The following DSE variants were observed in gnomAD, a reference collection of about 807,000 sequenced individuals.
The protein encoded by DSE is dermatan sulfate epimerase.
In DSE, 36 loss-of-function variants were observed where a neutral mutation model predicts 84.4. That is an observed-to-expected ratio of 0.43 (90% CI 0.33 to 0.56). The LOEUF (loss-of-function observed/expected upper bound fraction) is 0.56. Ranked by LOEUF, DSE falls within the 20% of genes least tolerant of loss-of-function variation. The probability of loss-of-function intolerance (pLI) is 0.06; values close to 1 mark genes in which losing one functional copy is unlikely to be tolerated. For missense variants in DSE, 862 were observed against 1,169.6 expected (o/e 0.74, Z 3.84); for synonymous variants, 410 against 430.1 (o/e 0.95, Z 0.58).
At chr6:116,405,839 A>G (rs1277443040) in intron 2 of DSE, among the ~76,000 whole-genome samples, 1 of 152,134 alleles carries the variant, frequency 6.6e-6, no homozygotes, top group Non-Finnish European at 1.5e-5. Flanking sequence ...AGGTGTACAG[A>G]TTAGTTGAGC....
In DSE at chr6:116,283,699, A is replaced by G. The variant is rs564674873; in HGVS notation, c.-54+24732A>G. ...GCTGGGACTACAGACACTGGCCACCACACACGGCTAATTTTTGTATTTTTA... is the reference window on the plus strand; with the variant it reads ...GCTGGGACTACAGACACTGGCCACCGCACACGGCTAATTTTTGTATTTTTA... On this transcript the variant is annotated intron_variant, in intron 2 of 3. Transcript: ENST00000430252. 5.5e-4 allele frequency among the ~76,000 whole-genome samples: 83 copies of G among 152,134 alleles called. 1 individual carries two copies. The highest frequency in any genetic ancestry group is 2.0e-3 in the African/African-American group (81 of 41,514).
intron 1 of DSE, among the ~76,000 whole-genome samples, chr6:116,395,485 TGC>T (rs1781194986): frequency 2.0e-5 from 3 of 152,236 alleles, no homozygotes; most frequent in African/African-American, 7.2e-5. Flanking sequence ...TAGCTTTTAA[TGC>T]CCTTTGTTTC....
intron 1 of DSE, among the ~76,000 whole-genome samples, chr6:116,376,850 A>G (rs1218231712): frequency 6.6e-6 from 1 of 152,226 alleles, no homozygotes; most frequent in Non-Finnish European, 1.5e-5. Context: ...TTGGCTTTCA[A>G]TTACATATAT....
intron 2 of DSE, among the ~76,000 whole-genome samples, chr6:116,415,742 C>T (rs1408768178): frequency 1.3e-5 from 2 of 152,004 alleles, no homozygotes; most frequent in South Asian, 2.1e-4. Flanking sequence ...CTTCTTTTGT[C>T]TTGAAATTTC....
intron 2 of DSE, among the ~76,000 whole-genome samples, chr6:116,263,517 C>T (rs1253811375): frequency 6.6e-6 from 1 of 152,126 alleles, no homozygotes; most frequent in East Asian, 1.9e-4. Flanking sequence ...AGATGGGTCT[C>T]TTGAAGACAG....
At chr6:116,317,641 C>T (rs1172401653) in intron 2 of DSE, among the ~76,000 whole-genome samples, 1 of 152,146 alleles carries the variant, frequency 6.6e-6, no homozygotes, top group African/African-American at 2.4e-5. Context: ...TGTATATGTA[C>T]ATACAAATAC....
intron 2 of DSE, among the ~76,000 whole-genome samples, chr6:116,268,535 G>C (rs1178841750): frequency 6.6e-6 from 1 of 152,120 alleles, no homozygotes; most frequent in Non-Finnish European, 1.5e-5. Context: ...TGAATGTTTT[G>C]AGCTGGAAAA....
At chr6:116,266,085 A>C (rs1366785768) in intron 2 of DSE, among the ~76,000 whole-genome samples, 12 of 152,202 alleles carry the variant, frequency 7.9e-5, no homozygotes, top group Admixed American at 7.9e-4. Context: ...CCTGGTGTGC[A>C]GTAGCCCCAT....
At chr6:116,410,412 A>AT (rs1273125268) in intron 2 of DSE, among the ~76,000 whole-genome samples, 2 of 152,030 alleles carry the variant, frequency 1.3e-5, no homozygotes, top group African/African-American at 2.4e-5. Context: ...AATCTTGCTC[A>AT]TTTTTTAAAT....
intron 2 of DSE, among the ~76,000 whole-genome samples, chr6:116,352,899 C>T (rs1562248731): frequency 6.6e-6 from 1 of 152,138 alleles, no homozygotes; most frequent in African/African-American, 2.4e-5. Context: ...TTCCTCGTTT[C>T]TTTCTCCTTC....
rs553398072 is a variant in DSE at position 116,405,015 on chromosome 6, G to A, written c.416+5349G>A. 1.5e-4 allele frequency among the ~76,000 whole-genome samples: 23 copies of A among 150,066 alleles called. No homozygotes were observed. In the South Asian group the frequency reaches 4.8e-3, roughly 32 times the overall value. ...TTTTTTTTTTTTTGCAACAGACTGA[G>A]TATTAAATTCTTGCCTGTGATTGCA... On this transcript the variant is annotated intron_variant, in intron 2 of 5. Coordinates refer to ENST00000644252, the MANE Select transcript of DSE (RefSeq NM_013352.4).
At chr6:116,429,381 C>T (rs947190487) in intron 3 of DSE, among the ~76,000 whole-genome samples, 8 of 152,114 alleles carry the variant, frequency 5.3e-5, no homozygotes, top group Admixed American at 5.2e-4. Context: ...GCCATGGTAG[C>T]GTGGTCAACA....
At chr6:116,314,542 C>T (rs1007813670) in intron 2 of DSE, among the ~76,000 whole-genome samples, 1 of 152,086 alleles carries the variant, frequency 6.6e-6, no homozygotes, top group African/African-American at 2.4e-5. Context: ...TTTTTGCTTT[C>T]CTGACTTCTG....
intron 2 of DSE, chr6:116,401,216 A>T (rs1409214447): frequency 6.6e-6 from 1 of 152,156 alleles, no homozygotes; most frequent in African/African-American, 2.4e-5. Flanking sequence ...CCAATGAATG[A>T]ATGCTGCCAT....
chr6:116,332,948 A>G (rs1248734085), intron 2 of DSE, among the ~76,000 whole-genome samples: 1 of 152,216 alleles, frequency 6.6e-6, no homozygotes, highest in Non-Finnish European at 1.5e-5. Flanking sequence ...AGTAATCAGG[A>G]AAATGCAAAT....
At chr6:116,390,049 A>G (rs975131227) in intron 1 of DSE, among the ~76,000 whole-genome samples, 54 of 151,226 alleles carry the variant, frequency 3.6e-4, no homozygotes, top group African/African-American at 1.1e-3. Flanking sequence ...TGTATTTTCA[A>G]TGCCTAACAT....
chr6:116,256,596 C>A (rs376054941), intron 1 of DSE: 6 of 152,296 alleles, frequency 3.9e-5, no homozygotes, highest in Admixed American at 3.9e-4. Flanking sequence ...TCAGTTTTAT[C>A]CCAGCTAGAT....
At position 116,436,497 on chromosome 6, in the gene DSE, C is replaced by T; in HGVS notation, c.2029C>T (p.His677Tyr). Residue 677 changes from histidine to tyrosine, a missense_variant, in exon 6 of 6, where the codon CAC becomes TAC. By Grantham distance (83) the His-to-Tyr change is moderately conservative. This residue lies in a region of DSE where 315 missense variants were observed against 348.1 expected (regional missense o/e 0.90). Coordinates refer to ENST00000644252, the MANE Select transcript of DSE (RefSeq NM_013352.4). The part of the protein sequence containing the change: ...PSIDVQSFTV[H>Y]GDSQQLDVFI... ...TATAGATGTTCAGAGCTTCACTGTC[C>T]ACGGAGACTCTCAGCAACTGGATGT... The T allele has an allele frequency of 6.2e-7, 1 of 1,614,118 alleles. No homozygotes were observed. Among genetic ancestry groups the T allele is most frequent in the Non-Finnish European group, 8.5e-7 (1 of 1,179,998 alleles).
Position 116,371,019 on chromosome 6 carries a change from G to C in DSE, c.-156G>C, listed in dbSNP as rs947553739. 3.9e-5 allele frequency: 38 copies of C among 985,628 alleles called. No homozygotes were observed. Among genetic ancestry groups the C allele is most frequent in the Admixed American group, 6.1e-5 (1 of 16,266 alleles). The allele number at this position is 985,628 out of a possible 1,614,324, so 61.1% of individuals were successfully genotyped here. A position where few individuals can be genotyped will look rare whatever the true frequency, so the allele number is the denominator to read the frequency against. On this transcript the variant is annotated 5_prime_UTR_variant, in exon 1 of 6. Transcript: ENST00000644252. ...GCGGGGGCGCGGAGGGCTCGGTTCG[G>C]AGGGGGCCGGGAGCCCGGGCGCCCT...
Sources: gnomAD v4.1 joint callset for allele counts (sites outside exome capture counted in the v4.1 genomes callset) on GRCh38, gnomAD v4.1.1 for gene constraint, gnomAD v4.1.1 regional missense constraint, MANE v1.5 for transcripts, NCBI Gene and HGNC (gene_info 2026-07-23, HGNC 2026-07-21) for gene names.